The following DTNBP1 variants were observed in gnomAD, a reference collection of about 807,000 sequenced individuals.
The protein encoded by DTNBP1 is dystrobrevin binding protein 1, also known as dysbindin.
In DTNBP1, 35 loss-of-function variants were observed where a neutral mutation model predicts 42.8. That is an observed-to-expected ratio of 0.82 (90% CI 0.63 to 1.09). DTNBP1 has a LOEUF of 1.09. Ranked by LOEUF, DTNBP1 falls within the 50% of genes least tolerant of loss-of-function variation. DTNBP1 has a pLI of 0.00. For missense variants in DTNBP1, 457 were observed against 424.2 expected, an observed-to-expected ratio of 1.08 and a Z score of -0.68; for synonymous variants, 171 against 162.2, an observed-to-expected ratio of 1.05 and a Z score of -0.41.
At position 15,570,629 on chromosome 6, in the gene DTNBP1, G is replaced by A. The variant is rs1170877565; in HGVS notation, c.511+22430C>T. ...ACCAAAGGCTGTGTCTCCCTGTACT[G>A]CAAACTGTTCACTGCAATAAAGTCA... On this transcript the variant is annotated intron_variant, in intron 7 of 9. Transcript: ENST00000344537. 2.6e-5 allele frequency among the ~76,000 whole-genome samples: 4 copies of A among 152,282 alleles called. No homozygotes were observed. The East Asian group carries it at 7.7e-4, about 29-fold the overall frequency.
chr6:15,630,560 C>T (rs1379707530), intron 4 of DTNBP1, among the ~76,000 whole-genome samples: 1 of 152,046 alleles, frequency 6.6e-6, no homozygotes, highest in African/African-American at 2.4e-5. Context: ...TAAGTATTAA[C>T]TATTTATGGT....
intron 6 of DTNBP1, among the ~76,000 whole-genome samples, chr6:15,602,554 A>G (rs1432077689): frequency 6.6e-6 from 1 of 152,228 alleles, no homozygotes; most frequent in Non-Finnish European, 1.5e-5. Context: ...CTGATGGAAC[A>G]TAAACTCCAA....
At position 15,523,756 on chromosome 6, in the gene DTNBP1, T is replaced by C. The variant is rs528094764; in HGVS notation, c.812-537A>G. The C allele has an allele frequency of 1.5e-5, 19 of 1,287,236 alleles. No individual in the cohort carries two copies. In the South Asian group the frequency reaches 2.3e-4, roughly 16 times the overall value. 79.7% of individuals were successfully genotyped at this position (1,287,236 alleles called of 1,614,324 possible). A position where few individuals can be genotyped will look rare whatever the true frequency, so the allele number is the denominator to read the frequency against. The stretch of plus-strand genomic sequence containing the variant: ...TGAGGGTTCACGCTGGTCTCCAGTA[T>C]TCTGGCCTTCTCAGGATGAGGGCAA... On this transcript the variant is annotated intron_variant, in intron 9 of 9. Transcript: ENST00000344537.
chr6:15,611,659 C>A (rs1758412256), intron 6 of DTNBP1, among the ~76,000 whole-genome samples: 1 of 152,116 alleles, frequency 6.6e-6, no homozygotes, highest in South Asian at 2.1e-4. Context: ...CAAACATTAG[C>A]AAGAATTTTG....
intron 6 of DTNBP1, among the ~76,000 whole-genome samples, chr6:15,604,985 A>G (rs929840770): frequency 5.3e-5 from 8 of 152,190 alleles, no homozygotes; most frequent in South Asian, 2.1e-4. Flanking sequence ...GCCCCTAAGC[A>G]GGTTTCGAGT....
chr6:15,650,648 C>A (rs189723506), intron 3 of DTNBP1, among the ~76,000 whole-genome samples: 2 of 152,108 alleles, frequency 1.3e-5, no homozygotes, highest in East Asian at 1.9e-4. Flanking sequence ...ATGTGCTTAT[C>A]GGTCGTTTGC....
At chr6:15,630,846 A>C (rs1018573730) in intron 4 of DTNBP1, among the ~76,000 whole-genome samples, 4 of 152,226 alleles carry the variant, frequency 2.6e-5, no homozygotes, top group Non-Finnish European at 2.9e-5. Flanking sequence ...TGAACCTGGG[A>C]GGCAGAGGTT....
chr6:15,595,864 A>C (rs1776496408), intron 6 of DTNBP1, among the ~76,000 whole-genome samples: 1 of 152,218 alleles, frequency 6.6e-6, no homozygotes, highest in African/African-American at 2.4e-5. Flanking sequence ...AATGAAGAGA[A>C]AGTAATTCAG....
rs149016433 is a variant in DTNBP1 at position 15,648,850 on chromosome 6, A to G, written c.161+2463T>C. Among the ~76,000 whole-genome samples the G allele has an allele frequency of 3.1e-4, 47 of 152,222 alleles. 1 individual carries two copies. In the East Asian group the frequency reaches 8.7e-3, roughly 28 times the overall value. On this transcript the variant is annotated intron_variant, in intron 3 of 9. Coordinates refer to ENST00000344537, the MANE Select transcript of DTNBP1 (RefSeq NM_032122.5). Reference sequence around the variant, plus strand: ...TTTAATCCCAATCAAAACCCCAATGACATTCTTTGCAAACAATAGAAAATA... The same window carrying G: ...TTTAATCCCAATCAAAACCCCAATGGCATTCTTTGCAAACAATAGAAAATA...
intron 7 of DTNBP1, among the ~76,000 whole-genome samples, chr6:15,571,675 C>A (rs538607281): frequency 6.6e-6 from 1 of 152,318 alleles, no homozygotes; most frequent in East Asian, 1.9e-4. Flanking sequence ...AGTATCAGCC[C>A]AAGCAAACCC....
rs77460377 is a variant in DTNBP1 at position 15,637,804 on chromosome 6, C to G, written c.162G>C (p.Arg54Ser). The G allele has an allele frequency of 1.8e-4, 287 of 1,612,390 alleles. 3 individuals are homozygous for G. In the East Asian group the frequency reaches 6.2e-3, roughly 35 times the overall value. Residue 54 changes from arginine to serine, a missense_variant and splice_region_variant, in exon 4 of 10, where the codon AGG becomes AGC. Transcript: ENST00000344537. ...GAAGTGCAGCCCATGTATCCTCATACCTAAAAAAAAGCAAAAAATAATTTG... is the reference window on the plus strand; with the variant it reads ...GAAGTGCAGCCCATGTATCCTCATAGCTAAAAAAAAGCAAAAAATAATTTG... ...KYSAGLELLSRYEDTWAALHR... is the reference protein window; with the variant it reads ...KYSAGLELLSSYEDTWAALHR...
chr6:15,566,214 C>T lies in DTNBP1; in HGVS notation c.511+26845G>A, dbSNP rs1041171112. 5.0e-4 allele frequency among the ~76,000 whole-genome samples: 74 copies of T among 149,252 alleles called. 2 individuals are homozygous for T. The highest frequency in any genetic ancestry group is 1.8e-3 in the African/African-American group (72 of 40,548). On this transcript the variant is annotated intron_variant, in intron 7 of 9. Transcript: ENST00000344537. ...CCTGTAGTCCCAGCTACTTGGGAGG[C>T]TGAGGCAGGAGAATGGCGTGAACCC...
intron 6 of DTNBP1, among the ~76,000 whole-genome samples, chr6:15,600,430 G>A (rs1776684161): frequency 6.6e-6 from 1 of 152,106 alleles, no homozygotes; most frequent in South Asian, 2.1e-4. Flanking sequence ...GCAGTGTCTG[G>A]TACATATTAA....
At chr6:15,524,958 T>C (rs1282395986) in intron 8 of DTNBP1, among the ~76,000 whole-genome samples, 2 of 152,194 alleles carry the variant, frequency 1.3e-5, no homozygotes, top group Admixed American at 1.3e-4. Flanking sequence ...CTGTTTTGAG[T>C]AGGACGCTCA....
intron 6 of DTNBP1, among the ~76,000 whole-genome samples, chr6:15,614,389 C>G (rs897331951): frequency 1.3e-5 from 2 of 152,082 alleles, no homozygotes; most frequent in African/African-American, 2.4e-5. Context: ...CCATCTTTCT[C>G]TCCACCAAAT....
At chr6:15,584,850 C>T (rs999244769) in intron 7 of DTNBP1, among the ~76,000 whole-genome samples, 8 of 148,438 alleles carry the variant, frequency 5.4e-5, no homozygotes, top group Non-Finnish European at 1.2e-4. Flanking sequence ...AAAATTATTC[C>T]TCAGTTACCA....
intron 7 of DTNBP1, among the ~76,000 whole-genome samples, chr6:15,557,066 C>T (rs764016195): frequency 6.6e-6 from 1 of 152,166 alleles, no homozygotes; most frequent in Non-Finnish European, 1.5e-5. Context: ...GCACTTCTGT[C>T]TGGTGTCCTA....
intron 3 of DTNBP1, among the ~76,000 whole-genome samples, chr6:15,645,733 A>T (rs1014838823): frequency 3.9e-5 from 6 of 152,092 alleles, no homozygotes; most frequent in Non-Finnish European, 7.4e-5. Context: ...GATAAAATTC[A>T]ATATCCCTTC....
chr6:15,559,389 T>G (rs575827062), intron 7 of DTNBP1, among the ~76,000 whole-genome samples: 18 of 152,304 alleles, frequency 1.2e-4, no homozygotes, highest in African/African-American at 4.3e-4. Flanking sequence ...CATTTTGAAG[T>G]GTCATCTTGT....
Sources: gnomAD v4.1 joint callset for allele counts (sites outside exome capture counted in the v4.1 genomes callset) on GRCh38, gnomAD v4.1.1 for gene constraint, MANE v1.5 for transcripts, NCBI Gene and HGNC (gene_info 2026-07-23, HGNC 2026-07-21) for gene names.